Variants in GNB1L observed in about 807,000 individuals in gnomAD.
GNB1L encodes the protein guanine nucleotide-binding protein subunit beta-like protein 1.
GNB1L carries 20 observed loss-of-function variants against 29.1 expected under a neutral mutation model. That is an observed-to-expected ratio of 0.69 (90% CI 0.48 to 1.00). The LOEUF (loss-of-function observed/expected upper bound fraction) is 1.00. Ranked by LOEUF, GNB1L falls within the 50% of genes least tolerant of loss-of-function variation. The pLI is 0.00. For missense variants in GNB1L, 421 were observed against 464.9 expected (o/e 0.91, Z 0.87); for synonymous variants, 193 against 206.5 (o/e 0.93, Z 0.56).
chr22:19,850,121 C>T, intron 2 of GNB1L: 6 of 985,556 alleles, frequency 6.1e-6, no homozygotes, highest in Non-Finnish European at 7.2e-6. Context: ...ACCCTCAAAG[C>T]CCCTGCCAGA....
chr22:19,827,653 A>G (rs1448186563), intron 2 of GNB1L, among the ~76,000 whole-genome samples: 1 of 152,260 alleles, frequency 6.6e-6, no homozygotes. Context: ...TGATATAATT[A>G]CACTCTCAGC....
In GNB1L at chr22:19,797,878, A is replaced by ACCAGCACAGTC. The variant is rs1485654625; in HGVS notation, c.732+4112_732+4122dup. On this transcript the variant is annotated intron_variant, in intron 7 of 7. Transcript: ENST00000329517. ...CCCTCCCCTCCCACCGCGCACTGTA[A>ACCAGCACAGTC]CCAGCACAGTCCCAGCACATCCCAG... Among the ~76,000 whole-genome samples the ACCAGCACAGTC allele has an allele frequency of 2.6e-5, 4 of 151,846 alleles. No individual in the cohort carries two copies. The East Asian group carries it at 7.7e-4, about 29-fold the overall frequency.
chr22:19,831,423 T>C (rs1401049668), intron 2 of GNB1L, among the ~76,000 whole-genome samples: 1 of 144,712 alleles, frequency 6.9e-6, no homozygotes, highest in East Asian at 2.1e-4. Context: ...AAATAAAAAT[T>C]TTTCATGCCT....
At chr22:19,809,871 C>A (rs965852449) in intron 5 of GNB1L, among the ~76,000 whole-genome samples, 2 of 152,206 alleles carry the variant, frequency 1.3e-5, no homozygotes, top group Non-Finnish European at 2.9e-5. Flanking sequence ...AACTCCTGAG[C>A]TCAAGTAACC....
chr22:19,821,239 G>A lies in GNB1L; in HGVS notation c.117C>T (p.Leu39=), dbSNP rs900286675. Residue 39 remains leucine (L), a synonymous_variant, in exon 3 of 8, where the codon CTC becomes CTT. Transcript: ENST00000329517. ...CEGAQAQGRP[L]LFSGSQSGLV... is the part of the protein sequence containing the mutation. ...CCACAGCTACTCACCCTGAGAAGAG[G>A]AGCGGGCGCCCCTGAGCCTGGGCTC... 33 of 1,611,166 alleles carry A rather than the reference G, an allele frequency of 2.0e-5. No homozygotes were observed. Among genetic ancestry groups the A allele is most frequent in the African/African-American group, 4.0e-5 (3 of 74,916 alleles).
At chr22:19,847,509 T>C (rs1439629569) in intron 2 of GNB1L, 1 of 985,184 alleles carries the variant, frequency 1.0e-6, no homozygotes, top group Admixed American at 6.2e-5. Flanking sequence ...GAGGAAAAAC[T>C]CTGGTCACAG....
Position 19,793,527 on chromosome 22 carries a change from A to G in GNB1L, c.733-4567T>C, listed in dbSNP as rs563627708. ...ATGGTCAAGAAGAAACAGTGGCTGGATATTTCCCAATTTTAATGGGAAACA... is the reference window on the plus strand; with the variant it reads ...ATGGTCAAGAAGAAACAGTGGCTGGGTATTTCCCAATTTTAATGGGAAACA... On this transcript the variant is annotated intron_variant, in intron 7 of 7. Coordinates refer to ENST00000329517, the MANE Select transcript of GNB1L (RefSeq NM_053004.3). Among the ~76,000 whole-genome samples the G allele has an allele frequency of 9.8e-5, 15 of 152,304 alleles. No individual in the cohort carries two copies. In the East Asian group the frequency reaches 2.7e-3, roughly 27 times the overall value.
At chr22:19,791,119 G>A (rs1937248875) in intron 7 of GNB1L, among the ~76,000 whole-genome samples, 2 of 152,160 alleles carry the variant, frequency 1.3e-5, no homozygotes, top group Admixed American at 1.3e-4. Context: ...TGTAGTCCCA[G>A]CTTACTGGGA....
intron 2 of GNB1L, chr22:19,852,495 AG>A (rs1164651258): frequency 1.8e-6 from 1 of 555,640 alleles, no homozygotes; most frequent in African/African-American, 1.9e-5. Context: ...ATCTGTCCAA[AG>A]ACAAGGTGGG....
chr22:19,846,966 T>A, intron 2 of GNB1L: 2 of 985,500 alleles, frequency 2.0e-6, no homozygotes, highest in Non-Finnish European at 2.4e-6. Flanking sequence ...CCTCCCATCC[T>A]CAGCAGCACC....
At chr22:19,809,441 T>G (rs1458768884) in intron 5 of GNB1L, among the ~76,000 whole-genome samples, 1 of 152,194 alleles carries the variant, frequency 6.6e-6, no homozygotes, top group Non-Finnish European at 1.5e-5. Flanking sequence ...CCATGTGTGA[T>G]CCAATTCTTC....
intron 5 of GNB1L, among the ~76,000 whole-genome samples, chr22:19,809,114 C>G (rs1182063281): frequency 6.6e-6 from 1 of 151,912 alleles, no homozygotes; most frequent in East Asian, 1.9e-4. Flanking sequence ...CTGCATTTCC[C>G]AAGACCACCC....
chr22:19,795,968 G>A (rs902717385), intron 7 of GNB1L, among the ~76,000 whole-genome samples: 24 of 151,990 alleles, frequency 1.6e-4, no homozygotes, highest in African/African-American at 4.8e-4. Context: ...CCAGGGCAAC[G>A]CTCACACACG....
chr22:19,849,384 T>C (rs1040118281), intron 2 of GNB1L: 2 of 821,328 alleles, frequency 2.4e-6, no homozygotes, highest in African/African-American at 3.8e-5. Context: ...TTTTTTTTTT[T>C]TGGGATGGAG....
intron 7 of GNB1L, 107 bp downstream of exon 7, chr22:19,801,894 T>C: frequency 1.0e-6 from 1 of 965,384 alleles, no homozygotes; most frequent in Non-Finnish European, 1.5e-6. Flanking sequence ...AGTGATTAAT[T>C]AGCCAGGGAT....
intron 7 of GNB1L, chr22:19,793,224 C>A: frequency 1.7e-6 from 1 of 598,418 alleles, no homozygotes; most frequent in Non-Finnish European, 2.9e-6. Context: ...CAAATAGGAA[C>A]TCTTAGCAGA....
intron 4 of GNB1L, among the ~76,000 whole-genome samples, chr22:19,813,503 T>C (rs978923437): frequency 2.6e-5 from 4 of 151,462 alleles, no homozygotes; most frequent in Non-Finnish European, 5.9e-5. Context: ...CTGGCCAACA[T>C]GGTGAAACCC....
At chr22:19,846,483 C>A (rs1937963885) in intron 2 of GNB1L, 2 of 985,428 alleles carry the variant, frequency 2.0e-6, no homozygotes, top group South Asian at 9.4e-5. Context: ...GGACTCTGCA[C>A]ACAGGCATGT....
At chr22:19,826,318 A>T (rs1937619503) in intron 2 of GNB1L, among the ~76,000 whole-genome samples, 1 of 152,210 alleles carries the variant, frequency 6.6e-6, no homozygotes, top group South Asian at 2.1e-4. Context: ...CCCACACTTC[A>T]GTCTGTCTTC....
Sources: allele counts gnomAD v4.1 joint callset (sites outside exome capture counted in the v4.1 genomes callset), GRCh38; gene constraint gnomAD v4.1.1; transcripts MANE v1.5; gene names NCBI Gene and HGNC (gene_info 2026-07-23, HGNC 2026-07-21).